Variants in RBMS3 observed in about 807,000 individuals in gnomAD.
The protein encoded by RBMS3 is RNA-binding motif, single-stranded-interacting protein 3.
In RBMS3, 27 loss-of-function variants were observed where a neutral mutation model predicts 66.8. The ratio of observed to expected loss-of-function variants is 0.40; its 90% CI spans 0.30 to 0.56. The LOEUF (loss-of-function observed/expected upper bound fraction) is 0.56, where lower values mean the gene tolerates loss of function less well. Among genes scored for constraint, RBMS3 ranks in the 20% least tolerant of loss-of-function variants. RBMS3 has a pLI of 0.40. For synonymous variants in RBMS3, 188 were observed against 183.0 expected (o/e 1.03, Z -0.22); for missense variants, 513 against 549.5 (o/e 0.93, Z 0.66).
chr3:29,497,732 A>C (rs866338109), intron 3 of RBMS3, among the ~76,000 whole-genome samples: 8 of 152,006 alleles, frequency 5.3e-5, no homozygotes, highest in Middle Eastern at 3.2e-3. Context: ...CTTCCTCTAG[A>C]TTATAAACTC....
chr3:29,412,029 T>A (rs919424108), intron 1 of RBMS3, among the ~76,000 whole-genome samples: 2 of 152,262 alleles, frequency 1.3e-5, no homozygotes, highest in African/African-American at 4.8e-5. Flanking sequence ...CAAATATTTT[T>A]AAAATTCAAA....
intron 1 of RBMS3, among the ~76,000 whole-genome samples, chr3:29,366,613 G>T (rs1360719540): frequency 2.0e-5 from 3 of 151,902 alleles, no homozygotes; most frequent in Non-Finnish European, 4.4e-5. Context: ...GGGATCAAGC[G>T]ATCTGCCCGT....
chr3:29,817,192 C>CTT (rs373365962), intron 6 of RBMS3, among the ~76,000 whole-genome samples: 21 of 127,200 alleles, frequency 1.7e-4, no homozygotes, highest in South Asian at 2.3e-4. Flanking sequence ...ATTTTCTTTT[C>CTT]TTTTTTTTTT....
At chr3:29,442,080 C>A (rs1010448723) in intron 2 of RBMS3, among the ~76,000 whole-genome samples, 1 of 152,114 alleles carries the variant, frequency 6.6e-6, no homozygotes, top group African/African-American at 2.4e-5. Flanking sequence ...TACTTTCCTG[C>A]TTTATATAAT....
intron 6 of RBMS3, among the ~76,000 whole-genome samples, chr3:29,800,346 G>A (rs763096753): frequency 6.6e-6 from 1 of 152,022 alleles, no homozygotes; most frequent in Non-Finnish European, 1.5e-5. Context: ...GAGTTTAGCA[G>A]TTAAAGACAC....
At chr3:29,699,103 A>T (rs970998577) in intron 4 of RBMS3, among the ~76,000 whole-genome samples, 1 of 152,188 alleles carries the variant, frequency 6.6e-6, no homozygotes, top group Non-Finnish European at 1.5e-5. Context: ...AAACATACAC[A>T]AAAAATCTTT....
chr3:29,455,672 A>G (rs991599247), intron 2 of RBMS3, among the ~76,000 whole-genome samples: 2 of 152,190 alleles, frequency 1.3e-5, no homozygotes, highest in African/African-American at 4.8e-5. Context: ...TGATACCTGA[A>G]CAAAGCTTAT....
chr3:29,929,857 C>A (rs555247874), intron 10 of RBMS3, among the ~76,000 whole-genome samples: 1 of 151,850 alleles, frequency 6.6e-6, no homozygotes. Flanking sequence ...TAATCCTGTC[C>A]AAGCATAGGA....
chr3:29,289,966 G>GT (rs1021662450), intron 1 of RBMS3, among the ~76,000 whole-genome samples: 13 of 151,820 alleles, frequency 8.6e-5, no homozygotes, highest in East Asian at 5.8e-4. Context: ...ACAGCTTATT[G>GT]TTTTTTAATC....
intron 2 of RBMS3, among the ~76,000 whole-genome samples, chr3:29,435,713 G>T (rs1292906586): frequency 6.6e-6 from 1 of 152,198 alleles, no homozygotes; most frequent in Non-Finnish European, 1.5e-5. Flanking sequence ...GCTGAGGCAG[G>T]CGGATCACAA....
chr3:29,882,377 C>G (rs1385785008), intron 7 of RBMS3, among the ~76,000 whole-genome samples: 1 of 152,098 alleles, frequency 6.6e-6, no homozygotes, highest in Non-Finnish European at 1.5e-5. Flanking sequence ...TTCTCAGTCC[C>G]CCAGCTTGTC....
At chr3:29,739,273 G>A (rs1390621384) in intron 4 of RBMS3, among the ~76,000 whole-genome samples, 1 of 152,000 alleles carries the variant, frequency 6.6e-6, no homozygotes, top group Non-Finnish European at 1.5e-5. Context: ...TGGCTAACAC[G>A]GTGAAACCCC....
chr3:29,981,338 G>A (rs1044552846), intron 12 of RBMS3, among the ~76,000 whole-genome samples: 2 of 152,098 alleles, frequency 1.3e-5, no homozygotes, highest in Non-Finnish European at 2.9e-5. Flanking sequence ...GGCTGAGACG[G>A]TGGGGTTTTC....
chr3:29,545,526 G>A (rs914204966), intron 3 of RBMS3, among the ~76,000 whole-genome samples: 3 of 152,068 alleles, frequency 2.0e-5, no homozygotes, highest in African/African-American at 7.2e-5. Flanking sequence ...TTTACCATGG[G>A]AATTCACACC....
intron 6 of RBMS3, among the ~76,000 whole-genome samples, chr3:29,843,416 A>T (rs2058708385): frequency 1.3e-5 from 2 of 152,216 alleles, no homozygotes; most frequent in Admixed American, 6.5e-5. Flanking sequence ...TCACCAGTAC[A>T]GGTGTGATCT....
intron 4 of RBMS3, among the ~76,000 whole-genome samples, chr3:29,694,866 A>ATTTTTTT (rs1559577424): frequency 7.2e-5 from 11 of 151,784 alleles, no homozygotes; most frequent in African/African-American, 2.7e-4. Flanking sequence ...TTTTTTAAAA[A>ATTTTTTT]AAAAATACAA....
chr3:29,470,110 CAAAT>C (rs1368492716), intron 2 of RBMS3, among the ~76,000 whole-genome samples: 21 of 149,898 alleles, frequency 1.4e-4, no homozygotes, highest in African/African-American at 4.6e-4. Context: ...AATTATAACA[CAAAT>C]AAACAAGGTA....
At chr3:29,626,642 T>C (rs531715331) in intron 4 of RBMS3, among the ~76,000 whole-genome samples, 1 of 152,296 alleles carries the variant, frequency 6.6e-6, no homozygotes, top group African/African-American at 2.4e-5. Context: ...TATACAGATA[T>C]TGTAGTGGAA....
chr3:29,767,948 A>T (rs2149390248), intron 6 of RBMS3, among the ~76,000 whole-genome samples: 1 of 152,086 alleles, frequency 6.6e-6, no homozygotes, highest in South Asian at 2.1e-4. Context: ...ACAAATAAAA[A>T]ATGCTATGGT....
Sources: allele counts gnomAD v4.1 joint callset (sites outside exome capture counted in the v4.1 genomes callset), GRCh38; gene constraint gnomAD v4.1.1; transcripts MANE v1.5; gene names NCBI Gene and HGNC (gene_info 2026-07-23, HGNC 2026-07-21).